The following TSPAN5 variants were observed in gnomAD, a reference collection of about 807,000 sequenced individuals.
TSPAN5 encodes the protein tetraspanin-5.
In TSPAN5, 10 loss-of-function variants were observed where a neutral mutation model predicts 37.1. The ratio of observed to expected loss-of-function variants is 0.27; its 90% CI spans 0.17 to 0.46. TSPAN5 has a LOEUF of 0.46. TSPAN5 is among the 20% of genes least tolerant of loss of function. The pLI is 1.00. For synonymous variants in TSPAN5, 110 were observed against 118.9 expected, an observed-to-expected ratio of 0.93 and a Z score of 0.48; for missense variants, 195 against 326.6, an observed-to-expected ratio of 0.60 and a Z score of 3.11.
chr4:98,583,929 A>C (rs1473321354), intron 1 of TSPAN5, among the ~76,000 whole-genome samples: 1 of 152,092 alleles, frequency 6.6e-6, no homozygotes, highest in African/African-American at 2.4e-5. Flanking sequence ...TTTTTCACAC[A>C]AATACAGAGA....
chr4:98,636,487 G>A (rs1756858829), intron 1 of TSPAN5, among the ~76,000 whole-genome samples: 1 of 152,174 alleles, frequency 6.6e-6, no homozygotes, highest in South Asian at 2.1e-4. Context: ...AATCAGAATT[G>A]CTGCTAGAGA....
chr4:98,563,993 C>T (rs574776519), intron 1 of TSPAN5, among the ~76,000 whole-genome samples: 1 of 152,222 alleles, frequency 6.6e-6, no homozygotes, highest in African/African-American at 2.4e-5. Flanking sequence ...AAATCATAAG[C>T]TCCTTGAGGC....
chr4:98,609,461 C>G (rs1756128188), intron 1 of TSPAN5, among the ~76,000 whole-genome samples: 1 of 152,146 alleles, frequency 6.6e-6, no homozygotes, highest in Non-Finnish European at 1.5e-5. Flanking sequence ...TAGACATGAT[C>G]ACCCAAGTCA....
At chr4:98,552,519 G>A (rs140265485) in intron 1 of TSPAN5, among the ~76,000 whole-genome samples, 1 of 152,158 alleles carries the variant, frequency 6.6e-6, no homozygotes, top group Non-Finnish European at 1.5e-5. Context: ...GTCTTTCTTT[G>A]GGCAATAAGC....
chr4:98,560,492 T>C (rs1464326925), intron 1 of TSPAN5, among the ~76,000 whole-genome samples: 4 of 152,214 alleles, frequency 2.6e-5, no homozygotes, highest in Non-Finnish European at 5.9e-5. Flanking sequence ...GACTAATATC[T>C]TCAATTGAGG....
chr4:98,546,353 A>G (rs1443207185), intron 1 of TSPAN5, among the ~76,000 whole-genome samples: 1 of 152,198 alleles, frequency 6.6e-6, no homozygotes, highest in East Asian at 1.9e-4. Context: ...CCATCCCTCA[A>G]CACAGTGATA....
At chr4:98,541,770 C>T (rs1754365800) in intron 1 of TSPAN5, among the ~76,000 whole-genome samples, 1 of 151,726 alleles carries the variant, frequency 6.6e-6, no homozygotes, top group Non-Finnish European at 1.5e-5. Context: ...TCTTGGGTGC[C>T]TGTGAAGCAA....
At position 98,489,633 on chromosome 4, in the gene TSPAN5, C is replaced by T. The variant is rs745971122; in HGVS notation, c.133-2749G>A. ...AAGCCACCACTGACTTCCACCCCTC[C>T]GGATCCGGCAGGGTATCCGCTGTGC... On this transcript the variant is annotated intron_variant, in intron 2 of 7. Coordinates refer to ENST00000305798, the MANE Select transcript of TSPAN5 (RefSeq NM_005723.4). Among the ~76,000 whole-genome samples the T allele has an allele frequency of 1.3e-5, 2 of 152,204 alleles. 1 individual carries two copies. Among genetic ancestry groups the T allele is most frequent in the South Asian group, 4.1e-4 (2 of 4,830 alleles).
intron 1 of TSPAN5, among the ~76,000 whole-genome samples, chr4:98,616,868 A>ATTTTTTTTT (rs59868555): frequency 6.9e-6 from 1 of 144,286 alleles, no homozygotes; most frequent in Non-Finnish European, 1.5e-5. Context: ...CTCCACGTAA[A>ATTTTTTTTT]TTTTTTTTTT....
chr4:98,605,874 C>G (rs972226946), intron 1 of TSPAN5, among the ~76,000 whole-genome samples: 9 of 152,236 alleles, frequency 5.9e-5, no homozygotes, highest in Admixed American at 3.9e-4. Flanking sequence ...CCTGTAGCTC[C>G]TCTCTGCTGT....
At chr4:98,598,336 T>G (rs1355935062) in intron 1 of TSPAN5, among the ~76,000 whole-genome samples, 1 of 146,506 alleles carries the variant, frequency 6.8e-6, no homozygotes, top group Non-Finnish European at 1.5e-5. Flanking sequence ...GCCCACTGTC[T>G]GGCACTCCCT....
At chr4:98,641,174 T>C (rs996018832) in intron 1 of TSPAN5, among the ~76,000 whole-genome samples, 10 of 152,150 alleles carry the variant, frequency 6.6e-5, no homozygotes, top group African/African-American at 2.2e-4. Flanking sequence ...TATAATCTCC[T>C]ACTATCTGGA....
Position 98,644,565 on chromosome 4 carries a change from C to T in TSPAN5, c.81+13581G>A, listed in dbSNP as rs190712183. ...GTACATGTGCACAATGTGCAGGTTA[C>T]ATATGTATACATGTGACATGCTGGT... On this transcript the variant is annotated intron_variant, in intron 1 of 7. Transcript: ENST00000305798. 1.7e-3 allele frequency among the ~76,000 whole-genome samples: 258 copies of T among 151,994 alleles called. 1 individual carries two copies. Among genetic ancestry groups the T allele is most frequent in the African/African-American group, 6.0e-3 (250 of 41,446 alleles).
At chr4:98,608,863 GT>G (rs1553917053) in intron 1 of TSPAN5, among the ~76,000 whole-genome samples, 1 of 152,030 alleles carries the variant, frequency 6.6e-6, no homozygotes, top group Non-Finnish European at 1.5e-5. Context: ...AGAGATGTTC[GT>G]TTCTTCTTTT....
chr4:98,657,162 T>C (rs1757309660), intron 1 of TSPAN5, among the ~76,000 whole-genome samples: 1 of 152,170 alleles, frequency 6.6e-6, no homozygotes, highest in Non-Finnish European at 1.5e-5. Context: ...GGAGAACTCT[T>C]TGTCTGGCTG....
chr4:98,484,327 G>T, intron 3 of TSPAN5: 1 of 402,852 alleles, frequency 2.5e-6, no homozygotes, highest in Non-Finnish European at 4.8e-6. Flanking sequence ...CCCTCAGCAA[G>T]TCTCCTAGGG....
intron 1 of TSPAN5, among the ~76,000 whole-genome samples, chr4:98,633,721 A>AT: frequency 6.6e-6 from 1 of 152,196 alleles, no homozygotes; most frequent in East Asian, 1.9e-4. Flanking sequence ...TATATCACAG[A>AT]CAGGAAAAGG....
At chr4:98,641,051 C>G (rs1255994346) in intron 1 of TSPAN5, among the ~76,000 whole-genome samples, 1 of 152,224 alleles carries the variant, frequency 6.6e-6, no homozygotes, top group African/African-American at 2.4e-5. Flanking sequence ...TCCAGGCAGT[C>G]TCACCCTTAA....
At chr4:98,553,304 G>T (rs866616705) in intron 1 of TSPAN5, among the ~76,000 whole-genome samples, 1 of 152,054 alleles carries the variant, frequency 6.6e-6, no homozygotes, top group Non-Finnish European at 1.5e-5. Context: ...AAAGTTCAAG[G>T]CTAAAACTCT....
Sources: gnomAD v4.1 joint callset for allele counts (sites outside exome capture counted in the v4.1 genomes callset) on GRCh38, gnomAD v4.1.1 for gene constraint, MANE v1.5 for transcripts, NCBI Gene and HGNC (gene_info 2026-07-23, HGNC 2026-07-21) for gene names.